SGSH: variants seen among roughly 807,000 people sequenced by gnomAD.
The protein encoded by SGSH is heparan sulfate sulfatase.
Under a neutral mutation model 51.0 loss-of-function variants are expected in SGSH, and 48 were observed. The observed-to-expected ratio is 0.94, with a 90% CI of 0.75 to 1.20. The LOEUF (loss-of-function observed/expected upper bound fraction) is 1.20. SGSH is among the 50% of genes most tolerant of loss of function. The pLI, the probability that SGSH is intolerant of heterozygous loss-of-function variation, is 0.00. For synonymous variants in SGSH, 321 were observed against 313.4 expected, an observed-to-expected ratio of 1.02 and a Z score of -0.26; for missense variants, 662 against 717.8, an observed-to-expected ratio of 0.92 and a Z score of 0.89.
downstream of SGSH, chr17:80,202,058 G>C: frequency 8.3e-7 from 1 of 1,207,776 alleles, no homozygotes; most frequent in Non-Finnish European, 1.2e-6. Flanking sequence ...ACTGACTCCA[G>C]TGCCAGAGCA....
At chr17:80,201,874 C>A (rs1230535982), downstream of SGSH, 3 of 1,608,924 alleles carry the variant, frequency 1.9e-6, no homozygotes, top group Admixed American at 5.0e-5. The surrounding 1 kb of genome is among the most constrained non-coding windows in gnomAD (Gnocchi z 5.0). Context: ...ACGGACGGTA[C>A]ACATACCACT....
In SGSH at chr17:80,210,677, A is replaced by C; in HGVS notation, c.1284T>G (p.Arg428=). 6.2e-7 allele frequency: 1 copy of C among 1,614,020 alleles called. No individual in the cohort carries two copies. The highest frequency in any genetic ancestry group is 1.1e-5 in the South Asian group (1 of 91,084). The change falls in exon 8 of 8, where the codon CGT becomes CGG. Residue 428 remains arginine, a synonymous_variant. Coordinates refer to ENST00000326317, the MANE Select transcript of SGSH (RefSeq NM_000199.5). ...CCCAGCGCGCCCGGTAGTAGTAATG[A>C]CGGAGGTCCTTGTACCAGCCCGTGG... ...GQPTGWYKDL[R]HYYYRARWEL...
chr17:80,203,269 CA>C (rs5822329), downstream of SGSH: 27,925 of 109,544 alleles, frequency 0.25, 2,987 homozygotes, highest in East Asian at 0.41. This position sits in a 1 kb window ranked among gnomAD's most constrained non-coding sequence, Gnocchi z 4.6. Context: ...GACTCTGTCT[CA>C]AAAAAAAAAA....
At chr17:80,205,601 C>T (rs367654497), downstream of SGSH, 42 of 1,376,800 alleles carry the variant, frequency 3.1e-5, no homozygotes, top group Admixed American at 8.5e-5. Context: ...GAGAGGTGTC[C>T]GGGGGCCGCT....
chr17:80,207,196 C>T (rs926868224), downstream of SGSH: 10 of 686,858 alleles, frequency 1.5e-5, no homozygotes, highest in Middle Eastern at 2.7e-4. Flanking sequence ...GAAGCTGAGG[C>T]GCTGACAGGG....
chr17:80,206,753 C>T (rs886948908), downstream of SGSH: 13 of 306,292 alleles, frequency 4.2e-5, no homozygotes, highest in Non-Finnish European at 7.2e-5. Flanking sequence ...GGCGACAGAG[C>T]GAGACTCCGT....
downstream of SGSH, among the ~76,000 whole-genome samples, chr17:80,207,283 G>A (rs1364369334): frequency 6.6e-6 from 1 of 152,250 alleles, no homozygotes; most frequent in African/African-American, 2.4e-5. Flanking sequence ...GGGCGTGGTG[G>A]CTCACGCCTG....
rs1286246225 is a variant in SGSH at position 80,213,756 on chromosome 17, G to T, written c.745+48C>A. 6.6e-7 allele frequency: 1 copy of T among 1,508,242 alleles called. No individual in the cohort carries two copies. The highest frequency in any genetic ancestry group is 9.0e-7 in the Non-Finnish European group (1 of 1,111,558). 93.4% of individuals were successfully genotyped at this position (1,508,242 alleles called of 1,614,324 possible). On this transcript the variant is annotated intron_variant, in intron 6 of 7. Transcript: ENST00000326317. This position sits in a 1 kb window ranked among gnomAD's most constrained non-coding sequence, Gnocchi z 4.6. ...TAAGAGGGCGCTGGCCCAGGATGGG[G>T]GACCCCGGCCGTGGCACCCCCTCCA...
chr17:80,209,991 A>G lies in SGSH; in HGVS notation c.*461T>C, dbSNP rs2041567369. The G allele has an allele frequency of 9.6e-7, 1 of 1,037,238 alleles. No homozygotes were observed. Among genetic ancestry groups the G allele is most frequent in the Admixed American group, 5.0e-5 (1 of 20,032 alleles). 64.3% of individuals were successfully genotyped at this position (1,037,238 alleles called of 1,614,324 possible). A position where few individuals can be genotyped will look rare whatever the true frequency, so the allele number is the denominator to read the frequency against. On this transcript the variant is annotated 3_prime_UTR_variant, in exon 8 of 8. Transcript: ENST00000326317. ...TGTCGGTGGGACCTGCGTACTGCCCACGCGGCACCGAAGCCCCTGCCTGCT... is the reference window on the plus strand; with the variant it reads ...TGTCGGTGGGACCTGCGTACTGCCCGCGCGGCACCGAAGCCCCTGCCTGCT...
rs1205851544 is a variant in SGSH at position 80,212,351 on chromosome 17, T to C, written c.746-77A>G. ...AGCGGGTGGTGTGTGTAGACCCACC[T>C]GCTGCTGCATCCGGCCGCTGGGCTC... On this transcript the variant is annotated intron_variant, in intron 6 of 7. Coordinates refer to ENST00000326317, the MANE Select transcript of SGSH (RefSeq NM_000199.5). This position sits in a 1 kb window ranked among gnomAD's most constrained non-coding sequence, Gnocchi z 5.9. 4.0e-6 allele frequency: 5 copies of C among 1,262,112 alleles called. No homozygotes were observed. Among genetic ancestry groups the C allele is most frequent in the Non-Finnish European group, 2.3e-6 (2 of 885,628 alleles). The allele number at this position is 1,262,112 out of a possible 1,614,324, so 78.2% of individuals were successfully genotyped here.
intron 1 of SGSH, chr17:80,219,935 A>T (rs2042076914): frequency 8.6e-6 from 3 of 348,566 alleles, no homozygotes. Flanking sequence ...AGATCCGTGG[A>T]CCCCTGAGCC....
downstream of SGSH, chr17:80,203,448 T>C (rs192833055): frequency 2.3e-5 from 5 of 217,762 alleles, no homozygotes; most frequent in East Asian, 3.3e-4. This position sits in a 1 kb window ranked among gnomAD's most constrained non-coding sequence, Gnocchi z 4.6. Context: ...GGGAGAGGCC[T>C]GGCACTCTGC....
chr17:80,205,842 G>C (rs2041270692), downstream of SGSH: 1 of 522,318 alleles, frequency 1.9e-6, no homozygotes, highest in African/African-American at 1.9e-5. Flanking sequence ...CGTGACTGTG[G>C]GTGAGGTCTC....
chr17:80,205,216 GC>G, downstream of SGSH: 1 of 1,606,232 alleles, frequency 6.2e-7, no homozygotes, highest in East Asian at 2.2e-5. Context: ...GTATGCTGTT[GC>G]CTGGGAATCC....
downstream of SGSH, chr17:80,205,007 C>A: frequency 6.5e-7 from 1 of 1,527,158 alleles, no homozygotes; most frequent in Non-Finnish European, 8.8e-7. Flanking sequence ...CGCAGCCTCA[C>A]CCACCCTCAG....
intron 2 of SGSH, 77 bp from the exon 3 acceptor site, chr17:80,215,215 C>T: frequency 9.6e-7 from 1 of 1,036,552 alleles, no homozygotes; most frequent in Non-Finnish European, 1.5e-6. Flanking sequence ...TCCCACGGCC[C>T]TCCCATCCCC....
chr17:80,213,868 G>T lies in SGSH; in HGVS notation c.681C>A (p.Pro227=), dbSNP rs2041774244. The change falls in exon 6 of 8, where the codon CCC becomes CCA. Residue 227 remains proline, a synonymous_variant. Transcript: ENST00000326317. The surrounding 1 kb of genome is among the most constrained non-coding windows in gnomAD (Gnocchi z 4.6). ...GGTCGGCTCGGGCTGCCGGGGTGTT[G>T]GGGACGAAGTAAGGCACCTGGGGCA... The part of the protein sequence containing the change: ...PLDVLVPYFV[P]NTPAARADLA... The T allele has an allele frequency of 6.2e-6, 10 of 1,608,184 alleles. No individual in the cohort carries two copies. Among genetic ancestry groups the T allele is most frequent in the Non-Finnish European group, 8.5e-6 (10 of 1,179,344 alleles).
downstream of SGSH, chr17:80,206,834 C>G (rs112423473): frequency 2.1e-6 from 1 of 485,490 alleles, no homozygotes; most frequent in Non-Finnish European, 3.7e-6. Context: ...CTCATCTCCT[C>G]TACAAAATTC....
intron 1 of SGSH, among the ~76,000 whole-genome samples, chr17:80,217,954 G>A (rs1180714171): frequency 2.0e-5 from 3 of 151,960 alleles, no homozygotes; most frequent in Admixed American, 2.0e-4. Context: ...GATGGGCATG[G>A]TACCCAGGCA....
Sources: allele counts gnomAD v4.1 joint callset (sites outside exome capture counted in the v4.1 genomes callset), GRCh38; gene constraint gnomAD v4.1.1; non-coding constraint Gnocchi (gnomAD v3.1); transcripts MANE v1.5; gene names NCBI Gene and HGNC (gene_info 2026-07-23, HGNC 2026-07-21).